CIP2A: variants seen among roughly 807,000 people sequenced by gnomAD.
CIP2A encodes protein CIP2A.
In CIP2A, 103 loss-of-function variants were observed where a neutral mutation model predicts 110.9. That is an observed-to-expected ratio of 0.93 (90% CI 0.79 to 1.09). CIP2A has a LOEUF of 1.09. Among genes scored for constraint, CIP2A ranks in the 50% least tolerant of loss-of-function variants. The pLI is 0.00. For synonymous variants in CIP2A, 381 were observed against 361.6 expected (o/e 1.05, Z -0.61); for missense variants, 1,088 against 1,038.4 (o/e 1.05, Z -0.66).
chr3:108,588,884 T>C (rs1939196601), intron 1 of CIP2A, among the ~76,000 whole-genome samples: 1 of 152,204 alleles, frequency 6.6e-6, no homozygotes, highest in African/African-American at 2.4e-5. Context: ...AATTATAGAT[T>C]ACCGAAGGGC....
intron 13 of CIP2A, among the ~76,000 whole-genome samples, chr3:108,562,443 C>A (rs369723752): frequency 6.6e-6 from 1 of 152,258 alleles, no homozygotes; most frequent in Non-Finnish European, 1.5e-5. Flanking sequence ...GAATATCTTA[C>A]CTGTTTATCA....
rs772971523 is a variant in CIP2A, at chr3:108,579,667, G to C, written c.571C>G (p.Arg191Gly). The C allele has an allele frequency of 6.4e-7, 1 of 1,566,418 alleles. No individual in the cohort carries two copies. The highest frequency in any genetic ancestry group is 2.3e-5 in the East Asian group (1 of 43,338). Residue 191 changes from arginine (R) to glycine (G), a missense_variant, in exon 6 of 21, where the codon CGA becomes GGA. Physicochemically the swap from Arg to Gly is moderately radical, Grantham distance 125 (BLOSUM62 -2). Coordinates refer to ENST00000295746, the MANE Select transcript of CIP2A (RefSeq NM_020890.3). ...TGGGCCAACAAGGTGATAAGAGTTC[G>C]ATAAAAAGATTTCACATTACTCTGA... is the stretch of plus-strand genomic sequence containing the variant. Reference protein sequence around the residue: ...KTLSNVKSFYRTLITLLAHSS... With the variant: ...KTLSNVKSFYGTLITLLAHSS...
intron 19 of CIP2A, among the ~76,000 whole-genome samples, chr3:108,552,777 A>G (rs1251960053): frequency 6.6e-6 from 1 of 152,150 alleles, no homozygotes; most frequent in South Asian, 2.1e-4. Context: ...ACATTTTTTT[A>G]TTTTGAAAAG....
At chr3:108,575,296 A>T (rs1034055980) in intron 8 of CIP2A, among the ~76,000 whole-genome samples, 5 of 151,124 alleles carry the variant, frequency 3.3e-5, no homozygotes, top group African/African-American at 7.3e-5. Context: ...ACGTACACAC[A>T]CGTGTACGTA....
At position 108,557,271 on chromosome 3, in the gene CIP2A, A is replaced by G; in HGVS notation, c.2157T>C (p.Ser719=). 1 of 1,608,420 alleles carries G rather than the reference A, an allele frequency of 6.2e-7. No homozygotes were observed. The highest frequency in any genetic ancestry group is 8.5e-7 in the Non-Finnish European group (1 of 1,176,414). The change falls in exon 17 of 21, where the codon TCT becomes TCC. Residue 719 remains serine (S), a synonymous_variant. Transcript: ENST00000295746. ...TCAGTATTTCATGTTCTTCAGCCACAGACTCTAACTTCCTATTATGTTGAA... is the reference window on the plus strand; with the variant it reads ...TCAGTATTTCATGTTCTTCAGCCACGGACTCTAACTTCCTATTATGTTGAA... ...HLFQHNRKLE[S]VAEEHEILTK...
rs568715773 is a variant in CIP2A, at chr3:108,575,653, T to A, written c.894+618A>T. On this transcript the variant is annotated intron_variant, in intron 8 of 20. Transcript: ENST00000295746. ...ACGTGTATATATACTCATATACATGTGTATATATACGTGTATATATACTCA... is the reference window on the plus strand; with the variant it reads ...ACGTGTATATATACTCATATACATGAGTATATATACGTGTATATATACTCA... Among the ~76,000 whole-genome samples the A allele has an allele frequency of 3.4e-4, 39 of 115,754 alleles. 4 individuals carry two copies. Among genetic ancestry groups the A allele is most frequent in the African/African-American group, 7.2e-4 (19 of 26,558 alleles). 75.9% of individuals were successfully genotyped at this position (115,754 alleles called of 152,430 possible). A position where few individuals can be genotyped will look rare whatever the true frequency, so the allele number is the denominator to read the frequency against.
chr3:108,556,034 C>A (rs547474700), intron 17 of CIP2A, among the ~76,000 whole-genome samples: 51 of 152,222 alleles, frequency 3.4e-4, no homozygotes, highest in Non-Finnish European at 5.9e-4. Flanking sequence ...CATTTCAGTT[C>A]TATAACGTAT....
chr3:108,585,044 A>G (rs1419192256), intron 2 of CIP2A, 21 bp downstream of exon 2: 1 of 1,593,572 alleles, frequency 6.3e-7, no homozygotes, highest in South Asian at 1.1e-5. Flanking sequence ...AAAACTAAAA[A>G]GGAGAAATTA....
chr3:108,549,992 T>G lies in CIP2A; in HGVS notation c.*1157A>C, dbSNP rs2083875518. The G allele has an allele frequency of 6.6e-6, 1 of 152,006 alleles. No homozygotes were observed. The highest frequency in any genetic ancestry group is 1.5e-5 in the Non-Finnish European group (1 of 67,906). The allele number at this position is 152,006 out of a possible 1,614,324, so 9.4% of individuals were successfully genotyped here. On this transcript the variant is annotated 3_prime_UTR_variant, in exon 21 of 21. Coordinates refer to ENST00000295746, the MANE Select transcript of CIP2A (RefSeq NM_020890.3). ...TCTCCTCTATAGAACAAATAGTAATTTAAAATGTTTTACTCTGCATAATAT... is the reference window on the plus strand; with the variant it reads ...TCTCCTCTATAGAACAAATAGTAATGTAAAATGTTTTACTCTGCATAATAT...
intron 15 of CIP2A, 24 bp downstream of exon 15, chr3:108,559,930 T>C (rs965706365): frequency 1.3e-6 from 2 of 1,566,060 alleles, no homozygotes; most frequent in Non-Finnish European, 1.8e-6. Flanking sequence ...TTATTACACA[T>C]TGTTAAAATA....
At chr3:108,561,376 G>A (rs1938000840) in intron 13 of CIP2A, among the ~76,000 whole-genome samples, 1 of 152,092 alleles carries the variant, frequency 6.6e-6, no homozygotes, top group Non-Finnish European at 1.5e-5. Context: ...CTGCAAGATG[G>A]CAGGCACTCA....
chr3:108,575,529 C>T (rs12486931), intron 8 of CIP2A, among the ~76,000 whole-genome samples: 2 of 147,006 alleles, frequency 1.4e-5, no homozygotes, highest in African/African-American at 5.2e-5. Context: ...CATATATACA[C>T]GTATATATAC....
chr3:108,556,413 A>G (rs1251953113), intron 17 of CIP2A, among the ~76,000 whole-genome samples: 1 of 151,964 alleles, frequency 6.6e-6, no homozygotes, highest in Admixed American at 6.6e-5. Flanking sequence ...TAAAAAGATA[A>G]AAGAGTTTAT....
At position 108,565,389 on chromosome 3, in the gene CIP2A, G is replaced by C. The variant is rs13083928; in HGVS notation, c.1481C>G (p.Pro494Arg). 6 of 1,599,226 alleles carry C rather than the reference G, an allele frequency of 3.8e-6. No individual in the cohort carries two copies. Among genetic ancestry groups the C allele is most frequent in the Non-Finnish European group, 8.5e-7 (1 of 1,171,740 alleles). ...DLINKLKPLVPGMEVSFYKIL... is the reference protein window; with the variant it reads ...DLINKLKPLVRGMEVSFYKIL... Reference sequence around the variant, plus strand: ...TTTGTAGAAGCTTACTTCCATACCAGGAACCAATGGTTTAAGTTTGTTAAT... The same window carrying C: ...TTTGTAGAAGCTTACTTCCATACCACGAACCAATGGTTTAAGTTTGTTAAT... Residue 494 changes from proline to arginine, a missense_variant, in exon 12 of 21, where the codon CCT becomes CGT. Transcript: ENST00000295746.
rs1218166496 is a variant in CIP2A, at chr3:108,575,888, GTATGAGTA to G, written c.894+375_894+382del. Among the ~76,000 whole-genome samples the G allele has an allele frequency of 3.1e-4, 11 of 35,778 alleles. 2 individuals carry two copies. Among genetic ancestry groups the G allele is most frequent in the South Asian group, 1.6e-3 (2 of 1,242 alleles). The allele number at this position is 35,778 out of a possible 152,430, so 23.5% of individuals were successfully genotyped here. A position where few individuals can be genotyped will look rare whatever the true frequency, so the allele number is the denominator to read the frequency against. ...CACGTATATATACTCATATACATGT[GTATGAGTA>G]TATATACATATATACATATACGTAT... On this transcript the variant is annotated intron_variant, in intron 8 of 20. Transcript: ENST00000295746.
At chr3:108,551,681 CAGT>C (rs973141318) in intron 20 of CIP2A, among the ~76,000 whole-genome samples, 2 of 152,072 alleles carry the variant, frequency 1.3e-5, no homozygotes, top group African/African-American at 2.4e-5. Flanking sequence ...TTCTGTTACT[CAGT>C]AGTAGTAGTA....
intron 17 of CIP2A, among the ~76,000 whole-genome samples, chr3:108,555,615 A>G (rs991207009): frequency 2.4e-4 from 36 of 152,106 alleles, no homozygotes; most frequent in Admixed American, 2.3e-3. Flanking sequence ...CTTTGTTCTA[A>G]GTTTCTTTCT....
intron 1 of CIP2A, among the ~76,000 whole-genome samples, chr3:108,587,294 T>A (rs1939073922): frequency 6.6e-6 from 1 of 151,878 alleles, no homozygotes; most frequent in Non-Finnish European, 1.5e-5. Context: ...AACAGGAAAG[T>A]GTATGTAAAC....
intron 20 of CIP2A, 97 bp downstream of exon 20, chr3:108,552,137 T>A: frequency 1.1e-6 from 1 of 915,872 alleles, no homozygotes; most frequent in African/African-American, 1.8e-5. Context: ...TTCTAAAAAA[T>A]TTGCTGAAGA....
Sources: allele counts gnomAD v4.1 joint callset (sites outside exome capture counted in the v4.1 genomes callset), GRCh38; gene constraint gnomAD v4.1.1; transcripts MANE v1.5; gene names NCBI Gene and HGNC (gene_info 2026-07-23, HGNC 2026-07-21).